The following CCDC63 variants were observed in gnomAD, a reference collection of about 807,000 sequenced individuals.
CCDC63 encodes coiled-coil domain-containing protein 63.
A neutral mutation model predicts 63.6 loss-of-function variants in CCDC63; 54 were observed. That is an observed-to-expected ratio of 0.85 (90% CI 0.68 to 1.07). CCDC63 has a LOEUF of 1.07. Ranked by LOEUF, CCDC63 falls within the 50% of genes least tolerant of loss-of-function variation. The probability of loss-of-function intolerance (pLI) is 0.00; values close to 1 mark genes in which losing one functional copy is unlikely to be tolerated. For missense variants in CCDC63, 637 were observed against 689.6 expected (o/e 0.92, Z 0.86); for synonymous variants, 253 against 266.1 (o/e 0.95, Z 0.48).
intron 8 of CCDC63, 128 bp downstream of exon 8, chr12:110,884,378 C>T: frequency 2.9e-6 from 2 of 679,476 alleles, no homozygotes. Context: ...GCTCTATTCC[C>T]CTTACATTTT....
rs910914373 is a variant in CCDC63, at chr12:110,883,969, C to G, written c.854-61C>G. 3 of 1,298,156 alleles carry G rather than the reference C, an allele frequency of 2.3e-6. No homozygotes were observed. In the African/African-American group the frequency reaches 4.4e-5, roughly 19 times the overall value. 80.4% of individuals were successfully genotyped at this position (1,298,156 alleles called of 1,614,324 possible). ...TAATATTGATCACGTTACTGTCTGC[C>G]TGGCACGGATCTGAGGAGCTTCCTT... On this transcript the variant is annotated intron_variant, in intron 7 of 11. Coordinates refer to ENST00000308208, the MANE Select transcript of CCDC63 (RefSeq NM_152591.3).
upstream of CCDC63, chr12:110,846,677 G>C (rs1379991780): frequency 1.3e-5 from 2 of 152,326 alleles, no homozygotes; most frequent in Non-Finnish European, 2.9e-5. Flanking sequence ...GACGGTGAAT[G>C]GGGTGTGAGT....
At chr12:110,855,386 C>A (rs1440418567) in intron 3 of CCDC63, among the ~76,000 whole-genome samples, 1 of 152,124 alleles carries the variant, frequency 6.6e-6, no homozygotes, top group African/African-American at 2.4e-5. Flanking sequence ...GCAAGCCTAC[C>A]TCTGGTGGGC....
At chr12:110,869,445 T>A (rs2071034545) in intron 4 of CCDC63, among the ~76,000 whole-genome samples, 1 of 152,192 alleles carries the variant, frequency 6.6e-6, no homozygotes, top group Admixed American at 6.5e-5. Context: ...TAGGATCTGG[T>A]ACTTACTAGT....
At chr12:110,896,890 G>A (rs2136734590) in intron 9 of CCDC63, among the ~76,000 whole-genome samples, 1 of 152,304 alleles carries the variant, frequency 6.6e-6, no homozygotes, top group South Asian at 2.1e-4. Flanking sequence ...GCTAAAACCA[G>A]GTGGCCTGGT....
At chr12:110,845,003 G>A (rs913680828), upstream of CCDC63, among the ~76,000 whole-genome samples, 3 of 152,160 alleles carry the variant, frequency 2.0e-5, no homozygotes, top group Middle Eastern at 3.4e-3. Context: ...ATTTCCCACC[G>A]CTGGCTCATC....
intron 11 of CCDC63, among the ~76,000 whole-genome samples, chr12:110,905,573 C>T (rs2071549429): frequency 6.6e-6 from 1 of 151,824 alleles, no homozygotes; most frequent in African/African-American, 2.4e-5. Flanking sequence ...ATAATGCCCA[C>T]CCCTTAGAGA....
At position 110,879,946 on chromosome 12, in the gene CCDC63, A is replaced by G; in HGVS notation, c.530A>G (p.Lys177Arg). The change falls in exon 6 of 12, where the codon AAG becomes AGG. Residue 177 changes from lysine (K) to arginine (R), a missense_variant. By Grantham distance (26) the Lys-to-Arg change is conservative. Transcript: ENST00000308208. ...GACAAGATGCTGACCACTAATGCCA[A>G]GCTCCGGAAGGAGATTGAAGACCTA... ...HFDKMLTTNA[K>R]LRKEIEDLRF... The G allele has an allele frequency of 6.2e-7, 1 of 1,614,210 alleles. No individual in the cohort carries two copies. Among genetic ancestry groups the G allele is most frequent in the African/African-American group, 1.3e-5 (1 of 75,064 alleles).
rs2136631123 is a variant in CCDC63 at position 110,847,095 on chromosome 12, C to A, written c.-107C>A. 1.3e-5 allele frequency: 2 copies of A among 152,376 alleles called. No individual in the cohort carries two copies. The highest frequency in any genetic ancestry group is 4.1e-4 in the South Asian group (2 of 4,832). 9.4% of individuals were successfully genotyped at this position (152,376 alleles called of 1,614,324 possible). On this transcript the variant is annotated 5_prime_UTR_variant, in exon 1 of 12. Coordinates refer to ENST00000308208, the MANE Select transcript of CCDC63 (RefSeq NM_152591.3). ...AGCAGCCACGGACAAGCAGTCCGGGCCCCGCCACTGGTAAGTTTCGCCGCC... is the reference window on the plus strand; with the variant it reads ...AGCAGCCACGGACAAGCAGTCCGGGACCCGCCACTGGTAAGTTTCGCCGCC...
chr12:110,846,337 C>T (rs963322964), upstream of CCDC63, among the ~76,000 whole-genome samples: 2 of 152,030 alleles, frequency 1.3e-5, no homozygotes, highest in African/African-American at 4.8e-5. Context: ...GTTTCAGGGC[C>T]GATTGTATGA....
chr12:110,894,131 T>C (rs76227633), intron 9 of CCDC63, among the ~76,000 whole-genome samples: 1,935 of 152,216 alleles, frequency 0.013, 15 homozygotes, highest in Non-Finnish European at 0.016. Flanking sequence ...CAAGGGCACC[T>C]CATGGTTGCA....
chr12:110,885,404 G>T (rs1026230868), intron 8 of CCDC63, among the ~76,000 whole-genome samples: 1 of 152,024 alleles, frequency 6.6e-6, no homozygotes, highest in African/African-American at 2.4e-5. Context: ...TTGGCTTCCT[G>T]GGCTATTTAC....
At chr12:110,847,250 T>A (rs2070648976) in intron 1 of CCDC63, 145 bp downstream of exon 1, 1 of 152,234 alleles carries the variant, frequency 6.6e-6, no homozygotes, top group Admixed American at 6.5e-5. Flanking sequence ...CAATCATGCA[T>A]AAATAAATTG....
At chr12:110,875,446 ATT>A (rs879583659) in intron 5 of CCDC63, among the ~76,000 whole-genome samples, 1 of 145,606 alleles carries the variant, frequency 6.9e-6, no homozygotes. Flanking sequence ...TATAGGTATA[ATT>A]TTTTTTTTTT....
rs554587306 is a variant in CCDC63, at chr12:110,898,964, A to T, written c.1181A>T (p.Asp394Val). ...CTGAGGAAGACCACGGAGGAGGCAG[A>T]TATGTATGAGAGCAAGTACGGGGAG... ...DKLRKTTEEA[D>V]MYESKYGEVS... Residue 394 changes from aspartate (D) to valine (V), a missense_variant, in exon 10 of 12, where the codon GAT (aspartate) becomes GTT (valine). Transcript: ENST00000308208. The T allele has an allele frequency of 2.2e-4, 356 of 1,610,986 alleles. No homozygotes were observed. The South Asian group carries it at 2.6e-3, about 12-fold the overall frequency.
At chr12:110,854,013 G>A (rs2070738290) in intron 3 of CCDC63, among the ~76,000 whole-genome samples, 1 of 152,106 alleles carries the variant, frequency 6.6e-6, no homozygotes, top group Admixed American at 6.6e-5. Flanking sequence ...CCTGGGAGAC[G>A]GAGACTCTGA....
chr12:110,862,075 C>T (rs1458311191), intron 4 of CCDC63, among the ~76,000 whole-genome samples: 1 of 152,146 alleles, frequency 6.6e-6, no homozygotes, highest in Non-Finnish European at 1.5e-5. Context: ...TGCTGTCTGG[C>T]ACCAGAGCAG....
Position 110,884,226 on chromosome 12 carries a change from G to A in CCDC63, c.1050G>A (p.Met350Ile). The stretch of plus-strand genomic sequence containing the variant: ...AGCTCAACAACGACATGGAGATGAT[G>A]CACAAGAGGACCCAACGAATCCAGG... ...VTELNNDMEMMHKRTQRIQDE... is the reference protein window; with the variant it reads ...VTELNNDMEMIHKRTQRIQDE... Residue 350 changes from methionine to isoleucine, a missense_variant, in exon 8 of 12, where the codon ATG becomes ATA. Coordinates refer to ENST00000308208, the MANE Select transcript of CCDC63 (RefSeq NM_152591.3). 1 of 1,614,142 alleles carries A rather than the reference G, an allele frequency of 6.2e-7. No homozygotes were observed. Among genetic ancestry groups the A allele is most frequent in the Non-Finnish European group, 8.5e-7 (1 of 1,180,022 alleles).
chr12:110,849,230 A>T (rs766691000), intron 1 of CCDC63, among the ~76,000 whole-genome samples: 25 of 152,238 alleles, frequency 1.6e-4, no homozygotes, highest in Non-Finnish European at 2.4e-4. Context: ...AATGAACAAA[A>T]TATTTGGTGA....
Sources: gnomAD v4.1 joint callset for allele counts (sites outside exome capture counted in the v4.1 genomes callset) on GRCh38, gnomAD v4.1.1 for gene constraint, MANE v1.5 for transcripts, NCBI Gene and HGNC (gene_info 2026-07-23, HGNC 2026-07-21) for gene names.